SFMBT2: variants seen among roughly 807,000 people sequenced by gnomAD.
SFMBT2 encodes Scm like with four mbt domains 2, also known as scm-like with four MBT domains protein 2.
A neutral mutation model predicts 110.1 loss-of-function variants in SFMBT2; 38 were observed. The ratio of observed to expected loss-of-function variants is 0.35; its 90% CI spans 0.27 to 0.45. SFMBT2 has a LOEUF of 0.45. SFMBT2 is among the 20% of genes least tolerant of loss of function. SFMBT2 has a pLI of 1.00. For synonymous variants in SFMBT2, 425 were observed against 425.4 expected (o/e 1.00, Z 0.01); for missense variants, 1,011 against 1,094.9 (o/e 0.92, Z 1.08).
intron 10 of SFMBT2, among the ~76,000 whole-genome samples, chr10:7,221,690 T>C (rs572822453): frequency 1.9e-4 from 29 of 152,372 alleles, no homozygotes; most frequent in African/African-American, 7.0e-4. Flanking sequence ...TGCTATTATT[T>C]TCCTTTGTTC....
At chr10:7,257,803 G>T (rs1841075543) in intron 7 of SFMBT2, among the ~76,000 whole-genome samples, 1 of 152,152 alleles carries the variant, frequency 6.6e-6, no homozygotes, top group African/African-American at 2.4e-5. Flanking sequence ...CATCTCACAT[G>T]ATATAAAATT....
chr10:7,260,289 A>G (rs1041357308), intron 7 of SFMBT2, among the ~76,000 whole-genome samples: 2 of 152,210 alleles, frequency 1.3e-5, no homozygotes, highest in African/African-American at 2.4e-5. Context: ...GGTATAAACC[A>G]TAAGGAAATC....
chr10:7,409,457 C>G (rs1443200942), intron 1 of SFMBT2: 1 of 152,190 alleles, frequency 6.6e-6, no homozygotes, highest in Non-Finnish European at 1.5e-5. Context: ...GGTTCCAAGA[C>G]GCACACACAC....
At chr10:7,263,085 C>A (rs575148191) in intron 7 of SFMBT2, among the ~76,000 whole-genome samples, 21 of 152,260 alleles carry the variant, frequency 1.4e-4, no homozygotes, top group Admixed American at 2.6e-4. Flanking sequence ...TGCTTTCAGG[C>A]CCAGACACTG....
chr10:7,390,491 A>C (rs1365430187), intron 1 of SFMBT2, among the ~76,000 whole-genome samples: 2 of 152,222 alleles, frequency 1.3e-5, no homozygotes, highest in African/African-American at 4.8e-5. Context: ...GAAAATGTCA[A>C]AGGAGAAACA....
Position 7,289,244 on chromosome 10 carries a change from TA to T in SFMBT2, c.437-3291del, listed in dbSNP as rs554282767. ...CCCATTACAAAAGAAGAACAATTAT[TA>T]TAATCCAGCGATAAATGGTCCTGTG... On this transcript the variant is annotated intron_variant, in intron 4 of 20. Transcript: ENST00000397167. Among the ~76,000 whole-genome samples the T allele has an allele frequency of 5.7e-3, 872 of 152,316 alleles. 5 individuals carry two copies. The highest frequency in any genetic ancestry group is 0.041 in the Middle Eastern group (12 of 294).
chr10:7,184,170 T>C (rs1321261520), intron 16 of SFMBT2, among the ~76,000 whole-genome samples: 1 of 152,084 alleles, frequency 6.6e-6, no homozygotes, highest in Non-Finnish European at 1.5e-5. Context: ...AAAAAAATCA[T>C]CTCCTCTCCT....
At chr10:7,371,437 C>G (rs1222766336) in intron 2 of SFMBT2, among the ~76,000 whole-genome samples, 1 of 152,054 alleles carries the variant, frequency 6.6e-6, no homozygotes, top group African/African-American at 2.4e-5. Context: ...AGAATCATAA[C>G]TATTTGAATT....
intron 4 of SFMBT2, among the ~76,000 whole-genome samples, chr10:7,349,855 G>A (rs12264096): frequency 1.3e-5 from 2 of 152,204 alleles, no homozygotes; most frequent in African/African-American, 4.8e-5. Flanking sequence ...ACTGAGGACA[G>A]TGGGATTTCA....
intron 16 of SFMBT2, among the ~76,000 whole-genome samples, chr10:7,179,662 G>A (rs1273540832): frequency 6.6e-6 from 1 of 152,186 alleles, no homozygotes; most frequent in African/African-American, 2.4e-5. Context: ...CAGGTCAGAG[G>A]ACAAACTGCA....
chr10:7,286,487 T>A (rs1048115268), intron 4 of SFMBT2: 33 of 369,702 alleles, frequency 8.9e-5, no homozygotes, highest in African/African-American at 6.6e-4. Context: ...ATCCATGGGT[T>A]CCCCATCCCT....
At position 7,243,649 on chromosome 10, in the gene SFMBT2, A is replaced by G. The variant is rs769900160; in HGVS notation, c.1029T>C (p.Ser343=). ...CTGCATGGCACAGCATTGACAGTTT[A>G]CTTGGTTCAGGTCTTAGGTCATCAA... ...VTIDDLRPEP[S]KLSMLCHADS... Residue 343 remains serine (S), a synonymous_variant, in exon 9 of 21, where the codon AGT becomes AGC. Transcript: ENST00000397167. 1.1e-6 allele frequency: 1 copy of G among 872,952 alleles called. No homozygotes were observed. The highest frequency in any genetic ancestry group is 1.3e-5 in the South Asian group (1 of 76,536). The allele number at this position is 872,952 out of a possible 1,614,324, so 54.1% of individuals were successfully genotyped here.
intron 2 of SFMBT2, among the ~76,000 whole-genome samples, chr10:7,375,802 A>G (rs926615049): frequency 2.1e-4 from 24 of 115,464 alleles, no homozygotes; most frequent in Admixed American, 2.1e-3. Flanking sequence ...CACACACACA[A>G]ATCACCTAGC....
At position 7,207,381 on chromosome 10, in the gene SFMBT2, GAAGA is replaced by G. The variant is rs780083341; in HGVS notation, c.1331-1457_1331-1454del. On this transcript the variant is annotated intron_variant, in intron 11 of 20. Transcript: ENST00000397167. The stretch of plus-strand genomic sequence containing the variant: ...TCAAGAAAGGAAGAAAGGAAGGAAG[GAAGA>G]AAGAAAGAAAGAGAGAAAGGAAAGA... Among the ~76,000 whole-genome samples the G allele has an allele frequency of 1.2e-3, 157 of 130,546 alleles. No homozygotes were observed. In the Middle Eastern group the frequency reaches 0.016, roughly 13 times the overall value. 85.6% of individuals were successfully genotyped at this position (130,546 alleles called of 152,430 possible). A position where few individuals can be genotyped will look rare whatever the true frequency, so the allele number is the denominator to read the frequency against.
chr10:7,388,774 A>C lies in SFMBT2; in HGVS notation c.-51-6825T>G, dbSNP rs531211530. ...GAGAACAGAGAGGCAGGCTGAGCCC[A>C]GGTGAGAAGAGAATGTTTGCTACAG... On this transcript the variant is annotated intron_variant, in intron 1 of 20. Coordinates refer to ENST00000397167, the MANE Select transcript of SFMBT2 (RefSeq NM_001387889.1). 4.2e-3 allele frequency among the ~76,000 whole-genome samples: 643 copies of C among 152,250 alleles called. 3 individuals are homozygous for C. Among genetic ancestry groups the C allele is most frequent in the Admixed American group, 8.5e-3 (130 of 15,296 alleles).
At position 7,316,517 on chromosome 10, in the gene SFMBT2, G is replaced by C. The variant is rs117987556; in HGVS notation, c.437-30563C>G. ...GGTTGGAATGAACTATGCAGGGGAC[G>C]ACAGGCCAGCCACGGGGTCCCCAAG... On this transcript the variant is annotated intron_variant, in intron 4 of 20. Transcript: ENST00000397167. Among the ~76,000 whole-genome samples, 1,001 of 152,280 alleles carry C rather than the reference G, an allele frequency of 6.6e-3. 7 individuals are homozygous for C. The highest frequency in any genetic ancestry group is 0.044 in the Middle Eastern group (13 of 294).
rs1021845496 is a variant in SFMBT2 at position 7,160,887 on chromosome 10, A to C, written c.*2883T>G. 6.6e-6 allele frequency: 1 copy of C among 152,268 alleles called. No individual in the cohort carries two copies. The highest frequency in any genetic ancestry group is 1.5e-5 in the Non-Finnish European group (1 of 68,076). 9.4% of individuals were successfully genotyped at this position (152,268 alleles called of 1,614,324 possible). A position where few individuals can be genotyped will look rare whatever the true frequency, so the allele number is the denominator to read the frequency against. Reference sequence around the variant, plus strand: ...TCAGAAGGACACTGGCAACAGCTGGAGGAAAAGCACCTCCTGGGTCCTAAA... The same window carrying C: ...TCAGAAGGACACTGGCAACAGCTGGCGGAAAAGCACCTCCTGGGTCCTAAA... On this transcript the variant is annotated 3_prime_UTR_variant, in exon 21 of 21. Coordinates refer to ENST00000397167, the MANE Select transcript of SFMBT2 (RefSeq NM_001387889.1).
chr10:7,308,516 C>T lies in SFMBT2; in HGVS notation c.437-22562G>A, dbSNP rs1842758813. Among the ~76,000 whole-genome samples, 4 of 152,114 alleles carry T rather than the reference C, an allele frequency of 2.6e-5. No individual in the cohort carries two copies. In the South Asian group the frequency reaches 8.3e-4, roughly 32 times the overall value. On this transcript the variant is annotated intron_variant, in intron 4 of 20. Transcript: ENST00000397167. ...GAAATATAAGGAAGGGTTGAAAATG[C>T]TACATTAATGGGGCCAAGGACAAAT... is the stretch of plus-strand genomic sequence containing the variant.
intron 8 of SFMBT2, among the ~76,000 whole-genome samples, chr10:7,245,886 A>G (rs1840591197): frequency 6.6e-6 from 1 of 152,124 alleles, no homozygotes; most frequent in South Asian, 2.1e-4. Flanking sequence ...CCCAAGGTGG[A>G]AAAAAAATGA....
Sources: gnomAD v4.1 joint callset for allele counts (sites outside exome capture counted in the v4.1 genomes callset) on GRCh38, gnomAD v4.1.1 for gene constraint, MANE v1.5 for transcripts, NCBI Gene and HGNC (gene_info 2026-07-23, HGNC 2026-07-21) for gene names.